The following FBN2 variants were observed in gnomAD, a reference collection of about 807,000 sequenced individuals.
FBN2 encodes the protein fibrillin 2.
Under a neutral mutation model 355.6 loss-of-function variants are expected in FBN2, and 105 were observed. The observed-to-expected ratio is 0.30, with a 90% confidence interval of 0.25 to 0.35. The LOEUF is 0.35. FBN2 is among the 10% of genes least tolerant of loss of function. FBN2 has a pLI of 1.00. For missense variants in FBN2, 3,280 were observed against 3,758.7 expected (o/e 0.87, Z 3.33); for synonymous variants, 1,350 against 1,301.2 (o/e 1.04, Z -0.81).
chr5:128,268,189 G>C lies in FBN2; in HGVS notation c.7960+3810C>G, dbSNP rs202070466. On this transcript the variant is annotated intron_variant, in intron 62 of 64. Transcript: ENST00000262464. Reference sequence around the variant, plus strand: ...GACACAATAAAAAAATGATAAAGGTGATATCACCACTGATCACACAGAAAT... The same window carrying C: ...GACACAATAAAAAAATGATAAAGGTCATATCACCACTGATCACACAGAAAT... Among the ~76,000 whole-genome samples the C allele has an allele frequency of 5.9e-5, 9 of 152,254 alleles. No homozygotes were observed. In the East Asian group the frequency reaches 1.2e-3, roughly 20 times the overall value.
chr5:128,389,863 G>GTACAT (rs1332272419), intron 11 of FBN2, among the ~76,000 whole-genome samples: 1 of 152,142 alleles, frequency 6.6e-6, no homozygotes, highest in Non-Finnish European at 1.5e-5. Context: ...TCAGTCCAGG[G>GTACAT]TCTGTGTGCT....
In FBN2 at chr5:128,335,782, TAGA is replaced by T. The variant is rs1750819856; in HGVS notation, c.3724+203_3724+205del. On this transcript the variant is annotated intron_variant, in intron 28 of 64. Transcript: ENST00000262464. Reference sequence around the variant, plus strand: ...CAGTACCCTAAGATTAACTCAGAAATAGAAGAACTATGGGGATTAGAGCATTTT... The same window carrying T: ...CAGTACCCTAAGATTAACTCAGAAATAGAACTATGGGGATTAGAGCATTTT... 2.0e-5 allele frequency among the ~76,000 whole-genome samples: 3 copies of T among 152,334 alleles called. No homozygotes were observed. In the South Asian group the frequency reaches 6.2e-4, roughly 32 times the overall value.
chr5:128,328,295 A>C, intron 34 of FBN2: 1 of 394,874 alleles, frequency 2.5e-6, no homozygotes, highest in South Asian at 2.6e-5. Context: ...TCAACCACGA[A>C]GGTAAATGCC....
intron 15 of FBN2, among the ~76,000 whole-genome samples, chr5:128,373,133 T>C (rs1485837725): frequency 2.0e-5 from 3 of 152,212 alleles, no homozygotes; most frequent in African/African-American, 7.2e-5. Flanking sequence ...TCCTGGATTG[T>C]GAACAAGATA....
chr5:128,387,240 A>G (rs1312806775), intron 11 of FBN2, among the ~76,000 whole-genome samples: 1 of 151,818 alleles, frequency 6.6e-6, no homozygotes, highest in East Asian at 1.9e-4. Context: ...AGGTATTTTT[A>G]AGGTTTTCTA....
chr5:128,530,168 T>C (rs992015471), intron 3 of FBN2, among the ~76,000 whole-genome samples: 1 of 152,200 alleles, frequency 6.6e-6, no homozygotes, highest in African/African-American at 2.4e-5. Flanking sequence ...TCCACAGTTA[T>C]AATTATCTTA....
intron 5 of FBN2, among the ~76,000 whole-genome samples, chr5:128,503,968 A>G (rs1188484047): frequency 6.6e-6 from 1 of 152,062 alleles, no homozygotes; most frequent in Non-Finnish European, 1.5e-5. Context: ...ACCCCGCTCT[A>G]TGCAGCCTTG....
chr5:128,468,251 C>G (rs965059050), intron 5 of FBN2, among the ~76,000 whole-genome samples: 6 of 152,198 alleles, frequency 3.9e-5, no homozygotes, highest in African/African-American at 9.6e-5. Flanking sequence ...CAAGACCATA[C>G]AGTAGCATGG....
chr5:128,415,021 CAT>C (rs974632132), intron 7 of FBN2, among the ~76,000 whole-genome samples: 5 of 152,102 alleles, frequency 3.3e-5, no homozygotes, highest in African/African-American at 7.2e-5. Flanking sequence ...ATATGTCCCA[CAT>C]GTTATATGAT....
At chr5:128,274,068 T>C (rs561492868) in intron 60 of FBN2, 100 bp from the exon 61 acceptor site, 6 of 1,419,754 alleles carry the variant, frequency 4.2e-6, no homozygotes, top group African/African-American at 4.2e-5. Flanking sequence ...CTAAGTTTCA[T>C]GATGTGAAAA....
chr5:128,319,818 T>C (rs907623992), intron 34 of FBN2, among the ~76,000 whole-genome samples: 19 of 152,196 alleles, frequency 1.2e-4, no homozygotes, highest in Admixed American at 4.6e-4. Flanking sequence ...TGTGTATGTA[T>C]AGCTGTGGAA....
At chr5:128,329,565 A>T (rs1313694809) in intron 33 of FBN2, among the ~76,000 whole-genome samples, 1 of 152,188 alleles carries the variant, frequency 6.6e-6, no homozygotes, top group Non-Finnish European at 1.5e-5. Flanking sequence ...CTAATAATGC[A>T]TGTTGACTGA....
In FBN2 at chr5:128,271,872, A is replaced by C. The variant is rs2126803563; in HGVS notation, c.7960+127T>G. ...GAATGAGTCCCCATGCATCAGTCTT[A>C]AGGACTGGGTTTAAAGTCTAAAATT... On this transcript the variant is annotated intron_variant, in intron 62 of 64. Transcript: ENST00000262464. 5 of 1,089,632 alleles carry C rather than the reference A, an allele frequency of 4.6e-6. No homozygotes were observed. The East Asian group carries it at 9.4e-5, about 21-fold the overall frequency. 67.5% of individuals were successfully genotyped at this position (1,089,632 alleles called of 1,614,324 possible).
chr5:128,338,786 G>A (rs2126903367), intron 26 of FBN2, 147 bp downstream of exon 26: 1 of 942,166 alleles, frequency 1.1e-6, no homozygotes, highest in Non-Finnish European at 1.6e-6. Context: ...CGCATTTCCT[G>A]TCTGACATTT....
chr5:128,496,291 A>G (rs1036248373), intron 5 of FBN2, among the ~76,000 whole-genome samples: 2 of 152,132 alleles, frequency 1.3e-5, no homozygotes, highest in African/African-American at 4.8e-5. Context: ...TCAACAAAAT[A>G]CTAGCAAACC....
intron 15 of FBN2, among the ~76,000 whole-genome samples, chr5:128,370,306 T>C (rs1751898269): frequency 6.6e-6 from 1 of 152,196 alleles, no homozygotes; most frequent in South Asian, 2.1e-4. Context: ...AGAGATAACC[T>C]CTATTATAAA....
Position 128,289,951 on chromosome 5 carries a change from C to G in FBN2, c.6446-4G>C, listed in dbSNP as rs760469399. 1 of 1,579,600 alleles carries G rather than the reference C, an allele frequency of 6.3e-7. No homozygotes were observed. Among genetic ancestry groups the G allele is most frequent in the Non-Finnish European group, 8.7e-7 (1 of 1,149,140 alleles). On this transcript the variant is annotated splice_polypyrimidine_tract_variant and splice_region_variant and intron_variant, in intron 50 of 64. Transcript: ENST00000262464. ...GGACACAAATCCTGAAATGCAACTA[C>G]AAAGAAAAATACAAATTCTCCATTA...
chr5:128,497,489 G>A (rs1331324820), intron 5 of FBN2, among the ~76,000 whole-genome samples: 1 of 152,174 alleles, frequency 6.6e-6, no homozygotes, highest in Admixed American at 6.5e-5. Flanking sequence ...GATTTGCTTT[G>A]TTGTCATCGT....
At chr5:128,456,028 CTGCTG>C in intron 6 of FBN2, among the ~76,000 whole-genome samples, 1 of 65,420 alleles carries the variant, frequency 1.5e-5, no homozygotes, top group African/African-American at 8.8e-5. Flanking sequence ...AAAAAAGCAA[CTGCTG>C]AACACACTAA....
Sources: allele counts gnomAD v4.1 joint callset (sites outside exome capture counted in the v4.1 genomes callset), GRCh38; gene constraint gnomAD v4.1.1; transcripts MANE v1.5; gene names NCBI Gene and HGNC (gene_info 2026-07-23, HGNC 2026-07-21).